STXBP5L: variants seen among roughly 807,000 people sequenced by gnomAD.
STXBP5L encodes syntaxin-binding protein 5-like.
Under a neutral mutation model 144.5 loss-of-function variants are expected in STXBP5L, and 65 were observed. That is an observed-to-expected ratio of 0.45 (90% CI 0.37 to 0.55). STXBP5L has a LOEUF of 0.55. Ranked by LOEUF, STXBP5L falls within the 20% of genes least tolerant of loss-of-function variation. STXBP5L has a pLI of 0.00. For synonymous variants in STXBP5L, 505 were observed against 469.6 expected (o/e 1.08, Z -0.97); for missense variants, 1,298 against 1,405.5 (o/e 0.92, Z 1.22).
chr3:121,342,243 G>C (rs2044740825), intron 20 of STXBP5L, among the ~76,000 whole-genome samples: 1 of 151,944 alleles, frequency 6.6e-6, no homozygotes, highest in African/African-American at 2.4e-5. Context: ...TAATAAACAG[G>C]AGTTTTAATT....
intron 10 of STXBP5L, among the ~76,000 whole-genome samples, chr3:121,215,113 G>A (rs1577231168): frequency 6.6e-6 from 1 of 151,998 alleles, no homozygotes; most frequent in East Asian, 1.9e-4. Context: ...CATAAGATGG[G>A]TCTCCGTAAT....
chr3:121,099,934 A>C (rs2107775629), intron 5 of STXBP5L, among the ~76,000 whole-genome samples: 1 of 152,216 alleles, frequency 6.6e-6, no homozygotes, highest in African/African-American at 2.4e-5. Flanking sequence ...ATCGAAAACA[A>C]AAAAGTAGTT....
rs963379877 is a variant in STXBP5L, at chr3:121,164,246, G to A, written c.877+6619G>A. Among the ~76,000 whole-genome samples, 32 of 152,052 alleles carry A rather than the reference G, an allele frequency of 2.1e-4. 1 individual carries two copies. The highest frequency in any genetic ancestry group is 1.9e-3 in the Admixed American group (29 of 15,262). ...AAAATGGCCAACACGTATGTAAAAA[G>A]GTGCTCAACATCATTTATCATCAAG... On this transcript the variant is annotated intron_variant, in intron 9 of 26. Transcript: ENST00000471454.
chr3:120,992,215 A>G (rs9817640), intron 3 of STXBP5L, among the ~76,000 whole-genome samples: 15,098 of 152,114 alleles, frequency 0.099, 1,183 homozygotes, highest in Admixed American at 0.2. Flanking sequence ...GCAATATTTC[A>G]TTACATGAAT....
chr3:120,921,577 G>T (rs1390203011), intron 2 of STXBP5L, among the ~76,000 whole-genome samples: 1 of 151,716 alleles, frequency 6.6e-6, no homozygotes, highest in East Asian at 1.9e-4. Flanking sequence ...CATTTCTCCA[G>T]CATTTTCTTC....
At chr3:121,056,008 T>C (rs1052466441) in intron 5 of STXBP5L, among the ~76,000 whole-genome samples, 1 of 152,062 alleles carries the variant, frequency 6.6e-6, no homozygotes, top group Non-Finnish European at 1.5e-5. Flanking sequence ...TCTCACTGTG[T>C]TGCCTAGGCT....
intron 19 of STXBP5L, among the ~76,000 whole-genome samples, chr3:121,298,680 C>A (rs1454780855): frequency 6.6e-6 from 1 of 151,978 alleles, no homozygotes; most frequent in African/African-American, 2.4e-5. Context: ...TTATATGATT[C>A]CACTTATATG....
At chr3:121,005,290 G>A (rs544990518) in intron 3 of STXBP5L, among the ~76,000 whole-genome samples, 4 of 152,134 alleles carry the variant, frequency 2.6e-5, no homozygotes, top group Non-Finnish European at 4.4e-5. Flanking sequence ...GAGGGTGTAT[G>A]TGTCCAGGAA....
At chr3:120,971,415 C>T (rs1468492546) in intron 3 of STXBP5L, among the ~76,000 whole-genome samples, 1 of 151,842 alleles carries the variant, frequency 6.6e-6, no homozygotes, top group Non-Finnish European at 1.5e-5. Flanking sequence ...TTTGGAGCCT[C>T]CAATGTCTAT....
At chr3:121,325,157 AAC>A (rs2044103695) in intron 20 of STXBP5L, among the ~76,000 whole-genome samples, 1 of 151,990 alleles carries the variant, frequency 6.6e-6, no homozygotes, top group Admixed American at 6.6e-5. Flanking sequence ...AAAACACTCA[AAC>A]ACAGGTTGCA....
At chr3:121,413,440 T>C (rs1284821704) in intron 24 of STXBP5L, 117 bp downstream of exon 24, 15 of 870,200 alleles carry the variant, frequency 1.7e-5, no homozygotes, top group Admixed American at 6.9e-5. Context: ...TCCAATAACA[T>C]GTTTTGAATA....
chr3:121,003,881 C>G (rs952406976), intron 3 of STXBP5L, among the ~76,000 whole-genome samples: 1 of 152,134 alleles, frequency 6.6e-6, no homozygotes, highest in African/African-American at 2.4e-5. Flanking sequence ...GGCATTATTT[C>G]TGAGGGCTCT....
intron 3 of STXBP5L, among the ~76,000 whole-genome samples, chr3:120,978,977 G>A (rs1941423002): frequency 6.6e-6 from 1 of 152,178 alleles, no homozygotes; most frequent in African/African-American, 2.4e-5. Flanking sequence ...TCCCAGTTAT[G>A]CTGCTTGGGG....
chr3:120,972,891 G>T (rs950026856), intron 3 of STXBP5L, among the ~76,000 whole-genome samples: 3 of 152,028 alleles, frequency 2.0e-5, no homozygotes, highest in South Asian at 2.1e-4. Flanking sequence ...TGCATATGTT[G>T]AATCGTCCTT....
At chr3:121,201,839 G>T (rs1234844576) in intron 9 of STXBP5L, among the ~76,000 whole-genome samples, 1 of 151,972 alleles carries the variant, frequency 6.6e-6, no homozygotes, top group Non-Finnish European at 1.5e-5. Flanking sequence ...TTGAATATTG[G>T]CCCCCTCCTG....
At chr3:121,031,974 A>T (rs770139538) in intron 3 of STXBP5L, among the ~76,000 whole-genome samples, 4 of 152,156 alleles carry the variant, frequency 2.6e-5, no homozygotes, top group Non-Finnish European at 5.9e-5. Flanking sequence ...GGTAGGAAAG[A>T]TAACCAGTTT....
At chr3:121,302,634 T>G (rs916911235) in intron 19 of STXBP5L, among the ~76,000 whole-genome samples, 1 of 152,282 alleles carries the variant, frequency 6.6e-6, no homozygotes, top group Non-Finnish European at 1.5e-5. Flanking sequence ...AATTGTGATG[T>G]TAGGGTATCA....
chr3:121,185,764 T>C (rs1449875462), intron 9 of STXBP5L, among the ~76,000 whole-genome samples: 1 of 152,176 alleles, frequency 6.6e-6, no homozygotes, highest in East Asian at 1.9e-4. Context: ...TGGCTTAGGA[T>C]TCTCTTGGCA....
intron 19 of STXBP5L, among the ~76,000 whole-genome samples, chr3:121,311,927 A>G (rs1426153017): frequency 6.6e-6 from 1 of 152,228 alleles, no homozygotes; most frequent in Non-Finnish European, 1.5e-5. Context: ...GCATCAAGCT[A>G]CCGGACTTCA....
Sources: gnomAD v4.1 joint callset for allele counts (sites outside exome capture counted in the v4.1 genomes callset) on GRCh38, gnomAD v4.1.1 for gene constraint, MANE v1.5 for transcripts, NCBI Gene and HGNC (gene_info 2026-07-23, HGNC 2026-07-21) for gene names.